The following WWOX variants were observed in gnomAD, a reference collection of about 807,000 sequenced individuals.
WWOX encodes WW domain-containing oxidoreductase.
In WWOX, 69 loss-of-function variants were observed where a neutral mutation model predicts 46.2. That is an observed-to-expected ratio of 1.49 (90% confidence interval 1.23 to 1.82). The LOEUF (loss-of-function observed/expected upper bound fraction) is 1.82, where lower values mean the gene tolerates loss of function less well. Among genes scored for constraint, WWOX ranks in the 40% most tolerant of loss-of-function variants. The probability of loss-of-function intolerance (pLI) is 0.00; values close to 1 mark genes in which losing one functional copy is unlikely to be tolerated. For missense variants in WWOX, 919 were observed against 542.6 expected (o/e 1.69, Z -6.89); for synonymous variants, 359 against 202.6 (o/e 1.77, Z -6.56).
At chr16:78,112,920 G>A (rs1597214888) in intron 3 of WWOX, among the ~76,000 whole-genome samples, 1 of 151,916 alleles carries the variant, frequency 6.6e-6, no homozygotes, top group South Asian at 2.1e-4. Flanking sequence ...TGCCCAGGCT[G>A]GTCTTGAACT....
intron 8 of WWOX, among the ~76,000 whole-genome samples, chr16:79,161,342 C>T (rs2050482627): frequency 6.6e-6 from 1 of 152,132 alleles, no homozygotes; most frequent in Non-Finnish European, 1.5e-5. Flanking sequence ...CATTGTACTC[C>T]CTTCATCCCA....
intron 8 of WWOX, among the ~76,000 whole-genome samples, chr16:79,186,055 G>C: frequency 6.6e-6 from 1 of 152,056 alleles, no homozygotes; most frequent in East Asian, 1.9e-4. Flanking sequence ...CACATGGCCT[G>C]TATTGTCAAA....
chr16:78,115,054 C>A lies in WWOX; in HGVS notation c.309C>A (p.Thr103=). The change falls in exon 4 of 9, where the codon ACC becomes ACA. Residue 103 remains threonine (T), a synonymous_variant. Coordinates refer to ENST00000566780, the MANE Select transcript of WWOX (RefSeq NM_016373.4). ...ATGATAATCCGACCAAGCCAACCACCCGGCAAAGATACGACGGCAGCACCA... is the reference window on the plus strand; with the variant it reads ...ATGATAATCCGACCAAGCCAACCACACGGCAAAGATACGACGGCAGCACCA... The part of the protein sequence containing the change: ...TVDDNPTKPT[T]RQRYDGSTTA... 1 of 1,614,190 alleles carries A rather than the reference C, an allele frequency of 6.2e-7. No individual in the cohort carries two copies. Among genetic ancestry groups the A allele is most frequent in the Non-Finnish European group, 8.5e-7 (1 of 1,180,022 alleles).
At chr16:78,423,916 T>C (rs1317989582) in intron 6 of WWOX, among the ~76,000 whole-genome samples, 3 of 151,822 alleles carry the variant, frequency 2.0e-5, no homozygotes, top group African/African-American at 7.2e-5. Flanking sequence ...TACCTATCTT[T>C]AGGCTTCTTT....
chr16:78,980,694 CT>C (rs1277578819), intron 8 of WWOX, among the ~76,000 whole-genome samples: 1 of 152,142 alleles, frequency 6.6e-6, no homozygotes, highest in African/African-American at 2.4e-5. Flanking sequence ...GAACTTTGAC[CT>C]TGAAAGGGGA....
rs553277856 is a variant in WWOX, at chr16:78,466,805, A to G, written c.1056+34053A>G. Among the ~76,000 whole-genome samples, 4 of 152,086 alleles carry G rather than the reference A, an allele frequency of 2.6e-5. No homozygotes were observed. In the East Asian group the frequency reaches 7.8e-4, roughly 30 times the overall value. ...AGAGGTTGCAGTGAGCCGATATCTC[A>G]CCTCTGCACTCCAGCGTGGGCAACA... On this transcript the variant is annotated intron_variant, in intron 8 of 8. Coordinates refer to ENST00000566780, the MANE Select transcript of WWOX (RefSeq NM_016373.4).
chr16:79,173,265 A>G (rs2050736346), intron 8 of WWOX, among the ~76,000 whole-genome samples: 1 of 150,256 alleles, frequency 6.7e-6, no homozygotes, highest in East Asian at 2.0e-4. Context: ...CACATTCCAC[A>G]GGAAGGGAAC....
At chr16:78,444,581 G>A (rs1350188146) in intron 8 of WWOX, among the ~76,000 whole-genome samples, 2 of 149,348 alleles carry the variant, frequency 1.3e-5, no homozygotes, top group Admixed American at 6.7e-5. Flanking sequence ...CCAGGCTAGA[G>A]TGCAGTGGGG....
chr16:78,331,268 T>C (rs1327682568), intron 5 of WWOX, among the ~76,000 whole-genome samples: 1 of 152,208 alleles, frequency 6.6e-6, no homozygotes, highest in Non-Finnish European at 1.5e-5. Flanking sequence ...AAATAAAATA[T>C]TTAGAAGTCA....
At chr16:79,188,667 T>C (rs1050287968) in intron 8 of WWOX, among the ~76,000 whole-genome samples, 2 of 152,248 alleles carry the variant, frequency 1.3e-5, no homozygotes, top group Non-Finnish European at 2.9e-5. Context: ...CTTGGTTGCA[T>C]GTGCTGGGTT....
At chr16:79,120,917 C>T (rs535451206) in intron 8 of WWOX, among the ~76,000 whole-genome samples, 10 of 152,138 alleles carry the variant, frequency 6.6e-5, no homozygotes, top group Non-Finnish European at 1.2e-4. Context: ...TACAGGCGTG[C>T]GCCACCATGC....
chr16:78,752,986 G>C (rs551536843), intron 8 of WWOX, among the ~76,000 whole-genome samples: 1 of 152,120 alleles, frequency 6.6e-6, no homozygotes, highest in African/African-American at 2.4e-5. Context: ...TTCCAGGATA[G>C]AGGCAGTGAT....
chr16:78,722,311 T>G (rs1463616912), intron 8 of WWOX, among the ~76,000 whole-genome samples: 3 of 152,208 alleles, frequency 2.0e-5, no homozygotes, highest in Non-Finnish European at 4.4e-5. Flanking sequence ...TGAGCATCTT[T>G]ACTCAAGGCT....
chr16:78,360,900 A>G (rs1189344526), intron 5 of WWOX, among the ~76,000 whole-genome samples: 1 of 151,776 alleles, frequency 6.6e-6, no homozygotes, highest in Non-Finnish European at 1.5e-5. Flanking sequence ...GGGTTACTGC[A>G]GCCTCCACCT....
chr16:78,522,998 G>C (rs1041262430), intron 8 of WWOX, among the ~76,000 whole-genome samples: 1 of 152,198 alleles, frequency 6.6e-6, no homozygotes, highest in Admixed American at 6.5e-5. Flanking sequence ...TTTGAAGCTG[G>C]GAGGCGGAGG....
At chr16:78,521,780 C>G (rs369546679) in intron 8 of WWOX, among the ~76,000 whole-genome samples, 47 of 134,674 alleles carry the variant, frequency 3.5e-4, no homozygotes, top group African/African-American at 1.2e-3. Context: ...TAACACATAA[C>G]TTGTTTTTTT....
At chr16:79,197,513 C>G (rs1273446168) in intron 8 of WWOX, among the ~76,000 whole-genome samples, 1 of 152,046 alleles carries the variant, frequency 6.6e-6, no homozygotes, top group Non-Finnish European at 1.5e-5. Context: ...TGGTACACCA[C>G]TGTCACCAAC....
intron 8 of WWOX, among the ~76,000 whole-genome samples, chr16:79,189,767 C>G (rs1008890992): frequency 1.3e-5 from 2 of 151,380 alleles, no homozygotes; most frequent in Non-Finnish European, 2.9e-5. Flanking sequence ...CCTGAAATTG[C>G]GAATACACAG....
intron 8 of WWOX, among the ~76,000 whole-genome samples, chr16:78,480,920 G>A (rs540894530): frequency 6.6e-6 from 1 of 152,220 alleles, no homozygotes; most frequent in African/African-American, 2.4e-5. Context: ...TGTGCAAAAA[G>A]ATCAGTGTTT....
Sources: allele counts gnomAD v4.1 joint callset (sites outside exome capture counted in the v4.1 genomes callset), GRCh38; gene constraint gnomAD v4.1.1; transcripts MANE v1.5; gene names NCBI Gene and HGNC (gene_info 2026-07-23, HGNC 2026-07-21).